The following VWDE variants were observed in gnomAD, a reference collection of about 807,000 sequenced individuals.
The protein encoded by VWDE is von Willebrand factor D and EGF domain-containing protein.
VWDE carries 207 observed loss-of-function variants against 178.4 expected under a neutral mutation model. The observed-to-expected ratio is 1.16, with a 90% CI of 1.04 to 1.30. VWDE has a LOEUF of 1.30. VWDE is among the 50% of genes most tolerant of loss of function. VWDE has a pLI of 0.00. For missense variants in VWDE, 2,287 were observed against 1,901.3 expected, an observed-to-expected ratio of 1.20 and a Z score of -3.77; for synonymous variants, 738 against 651.4, an observed-to-expected ratio of 1.13 and a Z score of -2.02.
At chr7:12,388,844 G>C (rs1321475029) in intron 3 of VWDE, 4 of 574,190 alleles carry the variant, frequency 7.0e-6, no homozygotes, top group South Asian at 3.3e-5. Flanking sequence ...GAATGGACTT[G>C]AGGAAACCAA....
At chr7:12,370,617 A>C (rs568136949) in intron 11 of VWDE, 39 bp downstream of exon 11, 4 of 1,543,126 alleles carry the variant, frequency 2.6e-6, no homozygotes, top group Non-Finnish European at 3.5e-6. Flanking sequence ...TTTTAAGTCT[A>C]ATATTAATAT....
At chr7:12,386,825 G>A (rs960232372) in intron 3 of VWDE, among the ~76,000 whole-genome samples, 1 of 152,122 alleles carries the variant, frequency 6.6e-6, no homozygotes, top group African/African-American at 2.4e-5. Context: ...AATACTCTGT[G>A]CCATGTGGGC....
chr7:12,373,490 C>T (rs1411496062), intron 9 of VWDE, among the ~76,000 whole-genome samples: 3 of 152,038 alleles, frequency 2.0e-5, no homozygotes, highest in Non-Finnish European at 4.4e-5. Context: ...TGTGTATGCA[C>T]GTGACCATCT....
chr7:12,368,395 A>T (rs956105073), intron 12 of VWDE, among the ~76,000 whole-genome samples: 1 of 152,066 alleles, frequency 6.6e-6, no homozygotes, highest in African/African-American at 2.4e-5. Context: ...TTCTGATAGT[A>T]TGACATTTGA....
chr7:12,341,127 C>G (rs1781305109), intron 23 of VWDE, among the ~76,000 whole-genome samples: 1 of 150,334 alleles, frequency 6.7e-6, no homozygotes, highest in African/African-American at 2.5e-5. Flanking sequence ...GTATCATAGT[C>G]TTTTTTATAA....
At chr7:12,379,230 T>C (rs1156240657) in intron 6 of VWDE, among the ~76,000 whole-genome samples, 7 of 152,252 alleles carry the variant, frequency 4.6e-5, no homozygotes, top group Non-Finnish European at 7.3e-5. Context: ...ATAGACCTTC[T>C]GCTTTACTCT....
intron 13 of VWDE, among the ~76,000 whole-genome samples, chr7:12,362,500 G>T (rs559898526): frequency 6.6e-6 from 1 of 152,102 alleles, no homozygotes; most frequent in South Asian, 2.1e-4. Context: ...AAAATGCACT[G>T]GTCCCAAAAG....
At position 12,369,912 on chromosome 7, in the gene VWDE, G is replaced by A. The variant is rs1199217194; in HGVS notation, c.2394C>T (p.Pro798=). Residue 798 remains proline, a synonymous_variant, in exon 12 of 29, where the codon CCC becomes CCT. Coordinates refer to ENST00000275358, the MANE Select transcript of VWDE (RefSeq NM_001135924.3). ...QQEFFPSWPT[P]SGLTEYSTLT... Reference sequence around the variant, plus strand: ...AGGTGCTATACTCGGTGAGGCCAGAGGGAGTGGGCCAAGAGGGGAAAAACT... The same window carrying A: ...AGGTGCTATACTCGGTGAGGCCAGAAGGAGTGGGCCAAGAGGGGAAAAACT... 3.9e-6 allele frequency: 6 copies of A among 1,551,472 alleles called. No homozygotes were observed. The highest frequency in any genetic ancestry group is 4.9e-5 in the East Asian group (2 of 40,886).
rs527854376 is a variant in VWDE, at chr7:12,375,243, A to C, written c.1025-16T>G. The C allele has an allele frequency of 1.3e-6, 2 of 1,542,674 alleles. No individual in the cohort carries two copies. The highest frequency in any genetic ancestry group is 2.7e-5 in the African/African-American group (2 of 72,798). ...TGCTCTCTACCTATTTAATGAAAAA[A>C]TAGGTTTAAAAATTTCCAAGAGAAT... On this transcript the variant is annotated splice_polypyrimidine_tract_variant and intron_variant, in intron 7 of 28. Coordinates refer to ENST00000275358, the MANE Select transcript of VWDE (RefSeq NM_001135924.3).
chr7:12,393,662 G>C lies in VWDE; in HGVS notation c.175C>G (p.Leu59Val), dbSNP rs1032110306. The C allele has an allele frequency of 6.4e-7, 1 of 1,551,228 alleles. No homozygotes were observed. Among genetic ancestry groups the C allele is most frequent in the East Asian group, 2.4e-5 (1 of 40,906 alleles). The change falls in exon 2 of 29, where the codon CTC (leucine) becomes GTC (valine). Residue 59 changes from leucine (L) to valine (V), a missense_variant. Transcript: ENST00000275358. The part of the protein sequence containing the change: ...AVQDLICDHS[L>V]SPGWYRFLIL... Reference sequence around the variant, plus strand: ...AGAAATCTATACCATCCAGGGGAGAGGGAATGGTCACATATTAGGTCTTGA... The same window carrying C: ...AGAAATCTATACCATCCAGGGGAGACGGAATGGTCACATATTAGGTCTTGA...
chr7:12,379,473 G>T lies in VWDE; in HGVS notation c.879+4C>A, dbSNP rs956819543. 6.5e-7 allele frequency: 1 copy of T among 1,544,144 alleles called. No individual in the cohort carries two copies. The highest frequency in any genetic ancestry group is 8.8e-7 in the Non-Finnish European group (1 of 1,141,906). ...CTTTCTGATGCATCCCCACTGCTGC[G>T]TACCTTAAAGCCTGCAAAAAATTCT... On this transcript the variant is annotated splice_donor_region_variant and intron_variant, in intron 6 of 28. Transcript: ENST00000275358.
chr7:12,374,001 T>A (rs910520431), intron 9 of VWDE, among the ~76,000 whole-genome samples: 10 of 152,130 alleles, frequency 6.6e-5, no homozygotes, highest in Admixed American at 5.9e-4. Flanking sequence ...CTGACAATTA[T>A]CATATTACAA....
chr7:12,351,524 A>G (rs1250674237), intron 19 of VWDE, 49 bp downstream of exon 19: 4 of 1,497,274 alleles, frequency 2.7e-6, no homozygotes, highest in Non-Finnish European at 3.6e-6. Context: ...CTAGAAAACA[A>G]GTAAGAGGAA....
chr7:12,371,873 C>T (rs1041133048), intron 10 of VWDE, among the ~76,000 whole-genome samples: 2 of 152,000 alleles, frequency 1.3e-5, no homozygotes, highest in Non-Finnish European at 2.9e-5. Context: ...ATGACTTTTT[C>T]ATCTTACAAG....
Position 12,372,977 on chromosome 7 carries a change from T to C in VWDE, c.1587A>G (p.Thr529=). The C allele has an allele frequency of 6.4e-7, 1 of 1,550,758 alleles. No homozygotes were observed. ...ISESYLGRKV[T]IWFSSGAFIR... ...TTCAATGTTAAAGAATCATACATACTGTGACTTTTCTTCCTAAGTAAGATT... is the reference window on the plus strand; with the variant it reads ...TTCAATGTTAAAGAATCATACATACCGTGACTTTTCTTCCTAAGTAAGATT... The change falls in exon 10 of 29, where the codon ACA becomes ACG. Residue 529 remains threonine, a splice_region_variant and synonymous_variant. Transcript: ENST00000275358.
At chr7:12,357,143 A>T (rs1782291495) in intron 17 of VWDE, 122 bp downstream of exon 17, 1 of 1,281,736 alleles carries the variant, frequency 7.8e-7, no homozygotes, top group African/African-American at 1.5e-5. Context: ...TTAATTTTCC[A>T]TACAATGTTT....
chr7:12,385,215 T>C (rs1784042138), intron 3 of VWDE, among the ~76,000 whole-genome samples: 1 of 152,168 alleles, frequency 6.6e-6, no homozygotes, highest in African/African-American at 2.4e-5. Context: ...TTCATGAGAC[T>C]ATGATATTAA....
At chr7:12,373,476 C>T (rs890312857) in intron 9 of VWDE, among the ~76,000 whole-genome samples, 2 of 152,052 alleles carry the variant, frequency 1.3e-5, no homozygotes, top group Non-Finnish European at 2.9e-5. Flanking sequence ...GTCTTCTCCC[C>T]GTATGTGTAT....
At position 12,395,484 on chromosome 7, in the gene VWDE, T is replaced by C. The variant is rs1213590983; in HGVS notation, c.59-1706A>G. Among the ~76,000 whole-genome samples, 11 of 152,164 alleles carry C rather than the reference T, an allele frequency of 7.2e-5. No homozygotes were observed. The South Asian group carries it at 1.0e-3, about 14-fold the overall frequency. ...ACCTTTGTAGTTCTTACATTTCTTC[T>C]GGTTTAGCTGCTTTGATAATTGTTT... On this transcript the variant is annotated intron_variant, in intron 1 of 28. Coordinates refer to ENST00000275358, the MANE Select transcript of VWDE (RefSeq NM_001135924.3).
Sources: allele counts gnomAD v4.1 joint callset (sites outside exome capture counted in the v4.1 genomes callset), GRCh38; gene constraint gnomAD v4.1.1; transcripts MANE v1.5; gene names NCBI Gene and HGNC (gene_info 2026-07-23, HGNC 2026-07-21).